Variants in CNTN4 observed in about 807,000 individuals in gnomAD.
The protein encoded by CNTN4 is contactin 4, also known as contactin-4.
CNTN4 carries 77 observed loss-of-function variants against 122.5 expected under a neutral mutation model. That is an observed-to-expected ratio of 0.63 (90% CI 0.52 to 0.76). The LOEUF (loss-of-function observed/expected upper bound fraction) is 0.76. CNTN4 is among the 30% of genes least tolerant of loss of function. CNTN4 has a pLI of 0.00. For synonymous variants in CNTN4, 512 were observed against 447.0 expected (o/e 1.15, Z -1.83); for missense variants, 1,256 against 1,259.1 (o/e 1.00, Z 0.04).
chr3:2,537,935 T>C (rs1318807257), intron 3 of CNTN4, among the ~76,000 whole-genome samples: 1 of 152,058 alleles, frequency 6.6e-6, no homozygotes, highest in Non-Finnish European at 1.5e-5. Flanking sequence ...GTAAATTGTA[T>C]AGAATGAATT....
At chr3:3,027,200 C>T (rs1698800180) in intron 15 of CNTN4, among the ~76,000 whole-genome samples, 1 of 152,210 alleles carries the variant, frequency 6.6e-6, no homozygotes, top group Non-Finnish European at 1.5e-5. Flanking sequence ...CTACCTTTAT[C>T]AAACAGGGTT....
chr3:2,644,620 CTGGAT>C (rs1244657960), intron 4 of CNTN4, among the ~76,000 whole-genome samples: 1 of 150,984 alleles, frequency 6.6e-6, no homozygotes, highest in African/African-American at 2.4e-5. Context: ...TATAGAAGAA[CTGGAT>C]TTCCTAAGTG....
At chr3:2,890,333 C>A (rs1231277563) in intron 10 of CNTN4, among the ~76,000 whole-genome samples, 1 of 152,050 alleles carries the variant, frequency 6.6e-6, no homozygotes, top group Non-Finnish European at 1.5e-5. Context: ...CTGCATAGGT[C>A]TCCAATTTAA....
At chr3:2,265,031 G>A (rs963461502) in intron 2 of CNTN4, among the ~76,000 whole-genome samples, 40 of 151,852 alleles carry the variant, frequency 2.6e-4, no homozygotes, top group African/African-American at 8.9e-4. Flanking sequence ...TTTCCCCTGA[G>A]TCCCCAAAGT....
intron 2 of CNTN4, among the ~76,000 whole-genome samples, chr3:2,331,642 T>A (rs1163701764): frequency 6.6e-6 from 1 of 152,134 alleles, no homozygotes; most frequent in African/African-American, 2.4e-5. Context: ...TGCACCTGAA[T>A]GTGTGTTCCA....
intron 2 of CNTN4, among the ~76,000 whole-genome samples, chr3:2,170,220 T>G (rs554392527): frequency 2.6e-5 from 4 of 151,828 alleles, no homozygotes; most frequent in South Asian, 4.2e-4. Flanking sequence ...CTCGGGAGGC[T>G]GAGGCGGGAG....
At chr3:2,793,727 T>G (rs2092083520) in intron 6 of CNTN4, among the ~76,000 whole-genome samples, 1 of 152,206 alleles carries the variant, frequency 6.6e-6, no homozygotes, top group Non-Finnish European at 1.5e-5. Context: ...TATTCCATGC[T>G]ACCTAGGAAA....
intron 4 of CNTN4, among the ~76,000 whole-genome samples, chr3:2,582,269 C>T (rs946399779): frequency 6.6e-6 from 1 of 152,200 alleles, no homozygotes; most frequent in Non-Finnish European, 1.5e-5. Context: ...TTCCCTGATA[C>T]ATGATAAACA....
chr3:2,840,850 A>G (rs916556625), intron 7 of CNTN4, among the ~76,000 whole-genome samples: 9 of 152,192 alleles, frequency 5.9e-5, no homozygotes, highest in Middle Eastern at 6.8e-3. Flanking sequence ...TAGTCTAGCA[A>G]TTTGCTGTGT....
rs1699705274 is a variant in CNTN4, at chr3:3,037,392, T to C, written c.2092+64T>C. On this transcript the variant is annotated intron_variant, in intron 18 of 24. Transcript: ENST00000418658. ...GCTGCTGTTCCTTAGGAAAAGCGTT[T>C]GAATTCTTGCTGCTCTTCAGCGCTC... 3 of 1,607,216 alleles carry C rather than the reference T, an allele frequency of 1.9e-6. No individual in the cohort carries two copies. The Admixed American group carries it at 5.0e-5, about 27-fold the overall frequency.
intron 2 of CNTN4, among the ~76,000 whole-genome samples, chr3:2,101,284 G>A (rs963963137): frequency 2.6e-5 from 4 of 151,914 alleles, no homozygotes; most frequent in Non-Finnish European, 5.9e-5. Context: ...TGTATACAGG[G>A]CATCCGTTCC....
chr3:2,735,938 A>G lies in CNTN4; in HGVS notation c.56-277A>G, dbSNP rs1554198. On this transcript the variant is annotated intron_variant, in intron 4 of 24. Coordinates refer to ENST00000418658, the MANE Select transcript of CNTN4 (RefSeq NM_175607.3). ...AAAGACAAGCAGAACAATACATAGA[A>G]GAGAGAAAGGGAGACGTCAAGCAGC... 0.87 allele frequency: 488,207 copies of G among 559,134 alleles called. 217,878 individuals are homozygous for G. Among genetic ancestry groups the G allele is most frequent in the Non-Finnish European group, 0.94 (270,920 of 288,162 alleles). The allele number at this position is 559,134 out of a possible 1,614,324, so 34.6% of individuals were successfully genotyped here. A position where few individuals can be genotyped will look rare whatever the true frequency, so the allele number is the denominator to read the frequency against.
chr3:2,215,003 T>C (rs2038777258), intron 2 of CNTN4, among the ~76,000 whole-genome samples: 1 of 152,144 alleles, frequency 6.6e-6, no homozygotes, highest in African/African-American at 2.4e-5. Context: ...TCACAGCCTT[T>C]GAAAAAATGG....
intron 2 of CNTN4, among the ~76,000 whole-genome samples, chr3:2,225,361 A>C (rs1454355292): frequency 6.6e-6 from 1 of 151,274 alleles, no homozygotes; most frequent in African/African-American, 2.4e-5. Flanking sequence ...AAAAATACAA[A>C]AAAGTAGCCG....
intron 2 of CNTN4, among the ~76,000 whole-genome samples, chr3:2,239,348 C>G (rs1022719493): frequency 6.6e-6 from 1 of 152,120 alleles, no homozygotes; most frequent in African/African-American, 2.4e-5. Context: ...AACATTGAGT[C>G]CTAACTCTGC....
intron 4 of CNTN4, among the ~76,000 whole-genome samples, chr3:2,655,636 TACA>T (rs2083554653): frequency 2.0e-5 from 3 of 152,120 alleles, no homozygotes; most frequent in African/African-American, 7.2e-5. Flanking sequence ...CATCTGAAAG[TACA>T]ACATTATAGT....
At chr3:2,762,417 A>G (rs892741217) in intron 6 of CNTN4, among the ~76,000 whole-genome samples, 2 of 152,022 alleles carry the variant, frequency 1.3e-5, no homozygotes, top group African/African-American at 4.8e-5. Context: ...CTATGTGTCG[A>G]TGTGTTCTCA....
At chr3:2,924,129 A>G (rs1240027535) in intron 12 of CNTN4, among the ~76,000 whole-genome samples, 2 of 152,230 alleles carry the variant, frequency 1.3e-5, no homozygotes, top group East Asian at 3.8e-4. Context: ...CCAGGTGTAC[A>G]TTGCATGGCC....
At chr3:2,398,252 A>T (rs1454607651) in intron 3 of CNTN4, among the ~76,000 whole-genome samples, 1 of 152,128 alleles carries the variant, frequency 6.6e-6, no homozygotes, top group African/African-American at 2.4e-5. Flanking sequence ...AAATAAATAG[A>T]TTGTGCCACA....
Sources: allele counts gnomAD v4.1 joint callset (sites outside exome capture counted in the v4.1 genomes callset), GRCh38; gene constraint gnomAD v4.1.1; transcripts MANE v1.5; gene names NCBI Gene and HGNC (gene_info 2026-07-23, HGNC 2026-07-21).